Variants in DENND4A observed in about 807,000 individuals in gnomAD.
The protein encoded by DENND4A is DENN domain containing 4A.
In DENND4A, 70 loss-of-function variants were observed where a neutral mutation model predicts 199.3. The ratio of observed to expected loss-of-function variants is 0.35; its 90% CI spans 0.29 to 0.43. DENND4A has a LOEUF of 0.43. Among genes scored for constraint, DENND4A ranks in the 20% least tolerant of loss-of-function variants. The probability of loss-of-function intolerance (pLI) is 1.00; values close to 1 mark genes in which losing one functional copy is unlikely to be tolerated. For synonymous variants in DENND4A, 686 were observed against 766.9 expected (o/e 0.89, Z 1.74); for missense variants, 1,723 against 2,255.8 (o/e 0.76, Z 4.78).
intron 32 of DENND4A, among the ~76,000 whole-genome samples, chr15:65,662,210 C>G (rs566517299): frequency 6.6e-6 from 1 of 152,106 alleles, no homozygotes; most frequent in African/African-American, 2.4e-5. Flanking sequence ...TGTTAAAAAC[C>G]ACCAAATACC....
chr15:65,731,471 C>G (rs2075957090), intron 9 of DENND4A, 171 bp downstream of exon 9: 1 of 649,352 alleles, frequency 1.5e-6, no homozygotes, highest in South Asian at 1.5e-5. Flanking sequence ...GAAAAGTTTC[C>G]TTTTTTCATT....
chr15:65,662,872 G>A (rs1473470910), intron 32 of DENND4A, among the ~76,000 whole-genome samples: 1 of 152,142 alleles, frequency 6.6e-6, no homozygotes, highest in African/African-American at 2.4e-5. Flanking sequence ...AGCTTCTCTA[G>A]CTTGGAGGTC....
chr15:65,703,067 A>T, intron 15 of DENND4A, 59 bp from the exon 16 acceptor site: 2 of 1,509,264 alleles, frequency 1.3e-6, no homozygotes, highest in East Asian at 4.5e-5. Flanking sequence ...ATAGATGATC[A>T]TAGTGGTTAC....
Position 65,717,929 on chromosome 15 carries a change from T to G in DENND4A, c.1656A>C (p.Gly552=). ...CCAAATCTATCATGTGCAACCTCTT[T>G]CCAGAATTAAAATCATAGTCATTTA... The part of the protein sequence containing the change: ...LAINDYDFNS[G]KRLHMIDLEI... Residue 552 remains glycine (G), a synonymous_variant, in exon 13 of 33, where the codon GGA becomes GGC. Transcript: ENST00000443035. 1 of 1,609,860 alleles carries G rather than the reference T, an allele frequency of 6.2e-7. No individual in the cohort carries two copies. The highest frequency in any genetic ancestry group is 8.5e-7 in the Non-Finnish European group (1 of 1,177,828).
intron 23 of DENND4A, among the ~76,000 whole-genome samples, chr15:65,682,019 G>A (rs184198896): frequency 6.6e-6 from 1 of 152,184 alleles, no homozygotes; most frequent in Non-Finnish European, 1.5e-5. Context: ...CTGTCATCCA[G>A]GTTTTTTGTT....
Position 65,660,489 on chromosome 15 carries a change from T to C in DENND4A, c.*1362A>G. On this transcript the variant is annotated 3_prime_UTR_variant, in exon 33 of 33. Transcript: ENST00000443035. ...GCTGGCTAGGGAATTCCTTCACTAA[T>C]GATAATGTGTGCAAACACACACACA... The C allele has an allele frequency of 1.9e-6, 1 of 538,666 alleles. No homozygotes were observed. The highest frequency in any genetic ancestry group is 3.3e-6 in the Non-Finnish European group (1 of 303,736). The allele number at this position is 538,666 out of a possible 1,614,324, so 33.4% of individuals were successfully genotyped here.
At chr15:65,686,524 T>C (rs2076788030) in intron 23 of DENND4A, among the ~76,000 whole-genome samples, 1 of 152,310 alleles carries the variant, frequency 6.6e-6, no homozygotes, top group Non-Finnish European at 1.5e-5. Flanking sequence ...TTAGTGAATA[T>C]ACATGGATAA....
chr15:65,675,400 CAG>C (rs2076343035), intron 24 of DENND4A, among the ~76,000 whole-genome samples: 1 of 151,750 alleles, frequency 6.6e-6, no homozygotes, highest in Admixed American at 6.6e-5. Context: ...ACTCACAATC[CAG>C]AAGCAATAAG....
At chr15:65,767,121 G>T (rs921336304) in intron 1 of DENND4A, among the ~76,000 whole-genome samples, 1 of 152,148 alleles carries the variant, frequency 6.6e-6, no homozygotes, top group Non-Finnish European at 1.5e-5. Flanking sequence ...CATGGTAGGT[G>T]TGTAAATATT....
intron 23 of DENND4A, 84 bp downstream of exon 23, chr15:65,690,330 GA>G: frequency 7.2e-7 from 1 of 1,387,970 alleles, no homozygotes; most frequent in Non-Finnish European, 9.5e-7. Flanking sequence ...ATGTTTAGAA[GA>G]ATAGTTAAAA....
chr15:65,739,293 G>A (rs181172653), intron 5 of DENND4A, among the ~76,000 whole-genome samples: 233 of 152,084 alleles, frequency 1.5e-3, no homozygotes, highest in African/African-American at 2.8e-3. Context: ...TATCCCATAG[G>A]AGTATATGTT....
intron 22 of DENND4A, among the ~76,000 whole-genome samples, chr15:65,694,323 C>A (rs1436044504): frequency 6.6e-6 from 1 of 152,046 alleles, no homozygotes; most frequent in Non-Finnish European, 1.5e-5. Context: ...GTGGCGTGTG[C>A]CTGTAATCCC....
At chr15:65,700,836 T>C (rs1313815047) in intron 19 of DENND4A, among the ~76,000 whole-genome samples, 161 bp from the exon 20 acceptor site, 3 of 152,256 alleles carry the variant, frequency 2.0e-5, no homozygotes, top group Non-Finnish European at 4.4e-5. Flanking sequence ...GAGTTATTAA[T>C]GAACACTAAA....
At chr15:65,750,728 C>T (rs77199206) in intron 4 of DENND4A, among the ~76,000 whole-genome samples, 1 of 151,596 alleles carries the variant, frequency 6.6e-6, no homozygotes, top group Non-Finnish European at 1.5e-5. Flanking sequence ...AGTATACATT[C>T]CTTTTTTTTT....
chr15:65,720,945 G>GAT lies in DENND4A; in HGVS notation c.1588+1901_1588+1902dup, dbSNP rs764956764. Among the ~76,000 whole-genome samples, 415 of 47,570 alleles carry GAT rather than the reference G, an allele frequency of 8.7e-3. 6 individuals carry two copies. Among genetic ancestry groups the GAT allele is most frequent in the Middle Eastern group, 0.022 (2 of 92 alleles). 31.2% of individuals were successfully genotyped at this position (47,570 alleles called of 152,430 possible). On this transcript the variant is annotated intron_variant, in intron 12 of 32. Transcript: ENST00000443035. ...CAAAAGTTGAATGGGCTGTTTCATT[G>GAT]ATTATATATATATATATATATATAT...
At chr15:65,700,713 GA>G (rs2074837670) in intron 19 of DENND4A, 38 bp from the exon 20 acceptor site, 1 of 1,498,736 alleles carries the variant, frequency 6.7e-7, no homozygotes, top group Non-Finnish European at 8.9e-7. Context: ...ACTACTCGAA[GA>G]GGTAAATACA....
chr15:65,695,075 A>G (rs1229625751), intron 22 of DENND4A, among the ~76,000 whole-genome samples: 2 of 152,186 alleles, frequency 1.3e-5, no homozygotes, highest in Non-Finnish European at 2.9e-5. Context: ...TTGTGAAACA[A>G]CTCTATGACA....
intron 14 of DENND4A, among the ~76,000 whole-genome samples, chr15:65,707,561 TG>T (rs963035660): frequency 1.3e-5 from 2 of 152,208 alleles, no homozygotes; most frequent in Non-Finnish European, 2.9e-5. Context: ...ATGTTTTTAA[TG>T]GTATATCCAT....
Position 65,691,476 on chromosome 15 carries a change from C to G in DENND4A, c.3118G>C (p.Glu1040Gln), listed in dbSNP as rs1596449851. 2 of 1,610,706 alleles carry G rather than the reference C, an allele frequency of 1.2e-6. No individual in the cohort carries two copies. The highest frequency in any genetic ancestry group is 2.2e-5 in the South Asian group (2 of 90,662). The change falls in exon 23 of 33, where the codon GAA (glutamate) becomes CAA (glutamine). Residue 1040 changes from glutamate to glutamine, a missense_variant. Coordinates refer to ENST00000443035, the MANE Select transcript of DENND4A (RefSeq NM_001320835.1). ...TPELLLISSL[E>Q]DTNETRNIQS... ...ATGTTTCGTGTTTCATTTGTATCTT[C>G]AAGAGATGATATTAAGAGCAGCTCA...
Sources: gnomAD v4.1 joint callset for allele counts (sites outside exome capture counted in the v4.1 genomes callset) on GRCh38, gnomAD v4.1.1 for gene constraint, MANE v1.5 for transcripts, NCBI Gene and HGNC (gene_info 2026-07-23, HGNC 2026-07-21) for gene names.